Variants in AKAP9 observed in about 807,000 individuals in gnomAD.
AKAP9 encodes the protein A-kinase anchoring protein 9.
A neutral mutation model predicts 488.5 loss-of-function variants in AKAP9; 311 were observed. The observed-to-expected ratio is 0.64, with a 90% CI of 0.58 to 0.70. The LOEUF (loss-of-function observed/expected upper bound fraction) is 0.70. Among genes scored for constraint, AKAP9 ranks in the 30% least tolerant of loss-of-function variants. The pLI, the probability that AKAP9 is intolerant of heterozygous loss-of-function variation, is 0.00. For synonymous variants in AKAP9, 1,462 were observed against 1,483.5 expected (o/e 0.99, Z 0.33); for missense variants, 4,215 against 4,374.5 (o/e 0.96, Z 1.03).
intron 8 of AKAP9, among the ~76,000 whole-genome samples, chr7:92,005,673 T>C (rs892641576): frequency 1.3e-5 from 2 of 152,316 alleles, no homozygotes; most frequent in Middle Eastern, 3.4e-3. Flanking sequence ...TTTTTTTGTT[T>C]GTTTGTTTTT....
intron 22 of AKAP9, among the ~76,000 whole-genome samples, chr7:92,056,441 C>T (rs1299377206): frequency 2.0e-5 from 3 of 151,792 alleles, no homozygotes; most frequent in Admixed American, 6.6e-5. Context: ...CAAAGCCCCA[C>T]TAAAGTCACA....
chr7:92,050,101 A>G (rs994236487), intron 21 of AKAP9, among the ~76,000 whole-genome samples: 16 of 134,188 alleles, frequency 1.2e-4, no homozygotes, highest in Non-Finnish European at 2.2e-4. Flanking sequence ...GTTTTGCTCT[A>G]TCGCCCAGGC....
Position 92,099,490 on chromosome 7 carries a change from C to T in AKAP9, c.10714-197C>T, listed in dbSNP as rs767694573. Among the ~76,000 whole-genome samples the T allele has an allele frequency of 3.2e-4, 48 of 152,180 alleles. 1 individual carries two copies. Among genetic ancestry groups the T allele is most frequent in the Non-Finnish European group, 4.1e-4 (28 of 68,038 alleles). ...TACAACACCCCGAAAACAATACACA[C>T]TCGCTCAAGCCTTCGTGCCTTTTGC... is the stretch of plus-strand genomic sequence containing the variant. On this transcript the variant is annotated intron_variant, in intron 43 of 49. Transcript: ENST00000356239.
intron 2 of AKAP9, among the ~76,000 whole-genome samples, chr7:91,977,016 T>C (rs1235717893): frequency 6.6e-6 from 1 of 152,098 alleles, no homozygotes; most frequent in Non-Finnish European, 1.5e-5. Flanking sequence ...CCCAGCACTT[T>C]GGGAGGCAGA....
At position 92,061,319 on chromosome 7, in the gene AKAP9, A is replaced by G. The variant is rs368222299; in HGVS notation, c.5661A>G (p.Gln1887=). Residue 1887 remains glutamine, a synonymous_variant, in exon 23 of 50, where the codon CAA becomes CAG. Coordinates refer to ENST00000356239, the MANE Select transcript of AKAP9 (RefSeq NM_005751.5). The part of the protein sequence containing the change: ...ELMRESFRQK[Q]EATESLKCQE... ...TGCGTGAGTCATTTAGACAGAAACA[A>G]GAAGCAACAGAGTCCCTTAAGTGCC... The G allele has an allele frequency of 2.7e-5, 43 of 1,613,104 alleles. No homozygotes were observed. In the African/African-American group the frequency reaches 5.2e-4, roughly 20 times the overall value.
chr7:92,059,423 G>A (rs1360427133), intron 22 of AKAP9, among the ~76,000 whole-genome samples: 1 of 151,520 alleles, frequency 6.6e-6, no homozygotes, highest in African/African-American at 2.4e-5. Context: ...TAGATTTACT[G>A]TATTTGATTG....
chr7:92,012,903 G>T (rs1800946222), intron 9 of AKAP9, among the ~76,000 whole-genome samples: 1 of 148,218 alleles, frequency 6.7e-6, no homozygotes, highest in South Asian at 2.2e-4. Context: ...AATGGGAGGA[G>T]AAAGGAGAAA....
chr7:92,033,507 G>A (rs553233895), intron 16 of AKAP9, among the ~76,000 whole-genome samples: 3 of 145,174 alleles, frequency 2.1e-5, no homozygotes, highest in South Asian at 4.3e-4. Flanking sequence ...GTACAGTGGC[G>A]CAATCTCTGC....
rs761783446 is a variant in AKAP9, at chr7:92,082,614, A to C, written c.8112A>C (p.Glu2704Asp). The change falls in exon 32 of 50, where the codon GAA becomes GAC. Residue 2704 changes from glutamate to aspartate, a missense_variant. Physicochemically the swap from Glu to Asp is conservative, Grantham distance 45. Around this residue, in one of 5 missense-constraint regions of AKAP9, gnomAD observed 1,476 missense variants for 1,477.4 expected, o/e 1.00. Transcript: ENST00000356239. ...LRAESVATKAELASYKEKAEK... is the reference protein window; with the variant it reads ...LRAESVATKADLASYKEKAEK... ...CTGAATCAGTGGCTACCAAAGCAGA[A>C]CTTGCCAGTTATAAAGAAAAGGCTG... is the stretch of plus-strand genomic sequence containing the variant. 4.3e-6 allele frequency: 7 copies of C among 1,614,060 alleles called. No homozygotes were observed. The Admixed American group carries it at 1.2e-4, about 27-fold the overall frequency.
intron 1 of AKAP9, among the ~76,000 whole-genome samples, chr7:91,961,187 T>C (rs1156230658): frequency 6.6e-6 from 1 of 151,198 alleles, no homozygotes; most frequent in Non-Finnish European, 1.5e-5. Flanking sequence ...TGAGACGGAG[T>C]CTCACTCTGT....
chr7:91,950,323 G>A (rs1316343039), intron 1 of AKAP9, among the ~76,000 whole-genome samples: 4 of 149,758 alleles, frequency 2.7e-5, no homozygotes. Flanking sequence ...TCTGCCTCCC[G>A]GGTTCACGCC....
At chr7:91,949,863 A>G (rs1356323944) in intron 1 of AKAP9, among the ~76,000 whole-genome samples, 7 of 152,092 alleles carry the variant, frequency 4.6e-5, no homozygotes, top group Non-Finnish European at 1.0e-4. Flanking sequence ...GTTTGTTTTC[A>G]GTTACCATCA....
At chr7:92,031,426 C>A (rs1379046246) in intron 15 of AKAP9, 86 bp from the exon 16 acceptor site, 14 of 938,092 alleles carry the variant, frequency 1.5e-5, no homozygotes, top group Non-Finnish European at 2.4e-5. Context: ...AATACTGATA[C>A]TTTGGGGAGA....
intron 1 of AKAP9, among the ~76,000 whole-genome samples, chr7:91,959,642 T>C (rs1793489611): frequency 6.6e-6 from 1 of 152,184 alleles, no homozygotes; most frequent in Non-Finnish European, 1.5e-5. Context: ...TGAAATTGTG[T>C]TAAAATATGT....
In AKAP9 at chr7:92,045,064, A is replaced by G. The variant is rs1286696640; in HGVS notation, c.5219A>G (p.Lys1740Arg). 1 of 1,613,856 alleles carries G rather than the reference A, an allele frequency of 6.2e-7. No individual in the cohort carries two copies. Among genetic ancestry groups the G allele is most frequent in the Non-Finnish European group, 8.5e-7 (1 of 1,179,886 alleles). ...TTGAAGATCCTCTTAGAAGTTGTAA[A>G]GACAACAGCAGCTGTTGAAGAAACA... is the stretch of plus-strand genomic sequence containing the variant. ...RLLKILLEVV[K>R]TTAAVEETIG... The change falls in exon 21 of 50, where the codon AAG (lysine) becomes AGG (arginine). Residue 1740 changes from lysine (K) to arginine (R), a missense_variant. Lys to Arg is a conservative substitution (Grantham distance 26). Coordinates refer to ENST00000356239, the MANE Select transcript of AKAP9 (RefSeq NM_005751.5).
Position 91,940,910 on chromosome 7 carries a change from T to C in AKAP9, c.-190T>C. 2 of 651,168 alleles carry C rather than the reference T, an allele frequency of 3.1e-6. No homozygotes were observed. The highest frequency in any genetic ancestry group is 5.5e-6 in the Non-Finnish European group (2 of 365,684). 40.3% of individuals were successfully genotyped at this position (651,168 alleles called of 1,614,324 possible). A position where few individuals can be genotyped will look rare whatever the true frequency, so the allele number is the denominator to read the frequency against. On this transcript the variant is annotated 5_prime_UTR_variant, in exon 1 of 50. Transcript: ENST00000356239. ...GCGGCGGCGGCGGCGGTGACGGCGC[T>C]TCCCGTGCGGCTGAGGACGATCCGC...
At position 92,002,386 on chromosome 7, in the gene AKAP9, A is replaced by T; in HGVS notation, c.2469A>T (p.Glu823Asp). The change falls in exon 8 of 50, where the codon GAA becomes GAT. Residue 823 changes from glutamate (E) to aspartate (D), a missense_variant. By Grantham distance (45) the Glu-to-Asp change is conservative. Coordinates refer to ENST00000356239, the MANE Select transcript of AKAP9 (RefSeq NM_005751.5). ...ACTCTGTGTGGGAAAAAGAAATAGAAATACTTATAGAGGAAAATGAGGACC... is the reference window on the plus strand; with the variant it reads ...ACTCTGTGTGGGAAAAAGAAATAGATATACTTATAGAGGAAAATGAGGACC... ...SKDSVWEKEI[E>D]ILIEENEDLK... The T allele has an allele frequency of 1.2e-6, 2 of 1,611,368 alleles. No homozygotes were observed. The highest frequency in any genetic ancestry group is 1.7e-6 in the Non-Finnish European group (2 of 1,178,994).
chr7:91,993,070 T>G lies in AKAP9; in HGVS notation c.576+15T>G, dbSNP rs2130638071. ...GACTGCAGCAGGTATGTTTATTTTC[T>G]GTGGCTTTTGATTTGCTACTCACAA... On this transcript the variant is annotated intron_variant, in intron 5 of 49. Transcript: ENST00000356239. 1 of 1,613,988 alleles carries G rather than the reference T, an allele frequency of 6.2e-7. No individual in the cohort carries two copies. The highest frequency in any genetic ancestry group is 8.5e-7 in the Non-Finnish European group (1 of 1,179,860).
Position 92,096,878 on chromosome 7 carries a change from G to A in AKAP9, c.9919G>A (p.Val3307Ile). ...TCAGGTACTTCTTGAATCTGAGAAA[G>A]TTCGAATTCGGGAAATGAGTAGTAC... ...ELQVLLESEK[V>I]RIREMSSTLD... The change falls in exon 41 of 50, where the codon GTT becomes ATT. Residue 3307 changes from valine (V) to isoleucine (I), a missense_variant. Physicochemically the swap from Val to Ile is conservative, Grantham distance 29. Transcript: ENST00000356239. 1 of 1,614,202 alleles carries A rather than the reference G, an allele frequency of 6.2e-7. No individual in the cohort carries two copies.
Sources: allele counts gnomAD v4.1 joint callset (sites outside exome capture counted in the v4.1 genomes callset), GRCh38; gene constraint gnomAD v4.1.1; regional missense constraint gnomAD v4.1.1; transcripts MANE v1.5; gene names NCBI Gene and HGNC (gene_info 2026-07-23, HGNC 2026-07-21).